The following ARIH2 variants were observed in gnomAD, a reference collection of about 807,000 sequenced individuals.
ARIH2 encodes the protein ariadne RBR E3 ubiquitin protein ligase 2, also known as E3 ubiquitin-protein ligase ARIH2.
ARIH2 carries 12 observed loss-of-function variants against 79.8 expected under a neutral mutation model. The observed-to-expected ratio is 0.15, with a 90% CI of 0.10 to 0.24. The LOEUF (loss-of-function observed/expected upper bound fraction) is 0.24, where lower values mean the gene tolerates loss of function less well. Among genes scored for constraint, ARIH2 ranks in the 10% least tolerant of loss-of-function variants. The pLI, the probability that ARIH2 is intolerant of heterozygous loss-of-function variation, is 1.00. For missense variants in ARIH2, 301 were observed against 618.3 expected, an observed-to-expected ratio of 0.49 and a Z score of 5.44; for synonymous variants, 224 against 213.9, an observed-to-expected ratio of 1.05 and a Z score of -0.41.
chr3:48,935,415 AT>A (rs1460135981), intron 3 of ARIH2, among the ~76,000 whole-genome samples: 1 of 152,214 alleles, frequency 6.6e-6, no homozygotes, highest in Non-Finnish European at 1.5e-5. Context: ...TTGAACTGTA[AT>A]TTGCTTAAGC....
intron 1 of ARIH2, chr3:48,919,339 G>C (rs926054717): frequency 4.4e-6 from 3 of 687,024 alleles, no homozygotes; most frequent in Non-Finnish European, 6.2e-6. Flanking sequence ...GTCATCTTTG[G>C]GAGCTCTCGC....
intron 2 of ARIH2, among the ~76,000 whole-genome samples, chr3:48,923,382 AGAGT>A (rs1368480492): frequency 6.6e-6 from 1 of 151,168 alleles, no homozygotes; most frequent in Non-Finnish European, 1.5e-5. Flanking sequence ...CCAGGGTGAC[AGAGT>A]GAGACTCTGT....
At chr3:48,944,074 T>G (rs975862048) in intron 3 of ARIH2, among the ~76,000 whole-genome samples, 9 of 152,196 alleles carry the variant, frequency 5.9e-5, no homozygotes, top group African/African-American at 2.2e-4. Context: ...TTAAGAGTTC[T>G]AGGAGGGGCA....
chr3:48,927,066 T>G (rs181114116), intron 2 of ARIH2: 2 of 171,500 alleles, frequency 1.2e-5, no homozygotes, highest in East Asian at 3.0e-4. Flanking sequence ...CGGGGCATGA[T>G]AAGCAAAATT....
At chr3:48,972,569 G>T (rs886834052) in intron 8 of ARIH2, among the ~76,000 whole-genome samples, 1 of 152,110 alleles carries the variant, frequency 6.6e-6, no homozygotes, top group African/African-American at 2.4e-5. Flanking sequence ...ACTTGAACCA[G>T]GGAGGCAGAG....
chr3:48,937,425 CCAGA>C (rs1311896778), intron 3 of ARIH2, among the ~76,000 whole-genome samples: 1 of 152,148 alleles, frequency 6.6e-6, no homozygotes, highest in Non-Finnish European at 1.5e-5. Context: ...TCCCTGATCC[CCAGA>C]CAGAGTCTGT....
At chr3:48,968,309 G>A (rs2091944471) in intron 6 of ARIH2, 2 of 334,504 alleles carry the variant, frequency 6.0e-6, no homozygotes, top group Non-Finnish European at 1.2e-5. Context: ...CCGGGTTCAC[G>A]CCATTCTCCT....
At chr3:48,929,127 T>A (rs1333272584) in intron 3 of ARIH2, among the ~76,000 whole-genome samples, 1 of 152,210 alleles carries the variant, frequency 6.6e-6, no homozygotes, top group Admixed American at 6.5e-5. Context: ...GAAAAGGATA[T>A]GTTCATAATG....
At chr3:48,959,845 C>T (rs1340644554) in intron 3 of ARIH2, among the ~76,000 whole-genome samples, 1 of 152,170 alleles carries the variant, frequency 6.6e-6, no homozygotes, top group Non-Finnish European at 1.5e-5. Flanking sequence ...GCCTTTGACA[C>T]TCATTATATG....
intron 9 of ARIH2, 113 bp downstream of exon 9, chr3:48,973,929 T>C (rs2092377294): frequency 1.3e-6 from 1 of 765,062 alleles, no homozygotes; most frequent in African/African-American, 1.7e-5. Context: ...GGACCCTTCC[T>C]GAGGACTGGG....
intron 3 of ARIH2, chr3:48,945,331 C>A: frequency 3.4e-6 from 2 of 585,260 alleles, no homozygotes; most frequent in Non-Finnish European, 2.6e-6. Flanking sequence ...GATAAAGAAG[C>A]CACTGATCAC....
At chr3:48,932,653 C>T (rs1390999607) in intron 3 of ARIH2, among the ~76,000 whole-genome samples, 3 of 152,230 alleles carry the variant, frequency 2.0e-5, no homozygotes, top group Admixed American at 1.3e-4. Context: ...CAGGCAGGAT[C>T]ATGACTGTGG....
Position 48,936,423 on chromosome 3 carries a change from T to C in ARIH2, c.255+8610T>C, listed in dbSNP as rs537776570. 6.4e-4 allele frequency among the ~76,000 whole-genome samples: 98 copies of C among 152,350 alleles called. 2 individuals are homozygous for C. Among genetic ancestry groups the C allele is most frequent in the South Asian group, 2.5e-3 (12 of 4,830 alleles). On this transcript the variant is annotated intron_variant, in intron 3 of 15. Transcript: ENST00000356401. ...ATCTAAACTTTAAACTTTTATAAAG[T>C]TTAAATCTTTATAAACATGAATGAT...
intron 3 of ARIH2, among the ~76,000 whole-genome samples, chr3:48,934,051 C>T (rs2086777958): frequency 6.6e-6 from 1 of 152,226 alleles, no homozygotes; most frequent in East Asian, 1.9e-4. Flanking sequence ...TGCTCTTTAG[C>T]AAAATGTGAC....
intron 11 of ARIH2, among the ~76,000 whole-genome samples, chr3:48,976,201 C>T (rs1446431506): frequency 1.3e-5 from 2 of 149,328 alleles, no homozygotes; most frequent in Non-Finnish European, 3.0e-5. Context: ...CATGAGCCAC[C>T]GAGCCTGTAC....
intron 3 of ARIH2, among the ~76,000 whole-genome samples, chr3:48,959,649 C>CAAAAAAAA (rs71077758): frequency 3.4e-3 from 172 of 50,102 alleles, no homozygotes; most frequent in Middle Eastern, 0.013. Flanking sequence ...TAAAAAATAC[C>CAAAAAAAA]AAAAAAAAAA....
chr3:48,940,614 CCATCTCTA>C (rs1389937394), intron 3 of ARIH2, among the ~76,000 whole-genome samples: 2 of 151,514 alleles, frequency 1.3e-5, no homozygotes, highest in South Asian at 2.1e-4. Context: ...TGGTGAAACC[CCATCTCTA>C]CATCTCTACT....
intron 2 of ARIH2, among the ~76,000 whole-genome samples, chr3:48,926,133 G>T (rs1025354763): frequency 1.3e-5 from 2 of 152,150 alleles, no homozygotes; most frequent in African/African-American, 4.8e-5. Flanking sequence ...GTTGAAGTTA[G>T]GGTTTGTGAC....
At chr3:48,936,799 G>A (rs2087206240) in intron 3 of ARIH2, among the ~76,000 whole-genome samples, 1 of 151,368 alleles carries the variant, frequency 6.6e-6, no homozygotes, top group Admixed American at 6.6e-5. Flanking sequence ...AGAGGCCAAG[G>A]CGGGCGGATC....
Sources: gnomAD v4.1 joint callset for allele counts (sites outside exome capture counted in the v4.1 genomes callset) on GRCh38, gnomAD v4.1.1 for gene constraint, MANE v1.5 for transcripts, NCBI Gene and HGNC (gene_info 2026-07-23, HGNC 2026-07-21) for gene names.